SLC7A2: variants seen among roughly 807,000 people sequenced by gnomAD.
SLC7A2 encodes solute carrier family 7 member 2.
A neutral mutation model predicts 58.9 loss-of-function variants in SLC7A2; 48 were observed. The observed-to-expected ratio is 0.82, with a 90% CI of 0.65 to 1.04. The LOEUF is 1.04. Among genes scored for constraint, SLC7A2 ranks in the 50% least tolerant of loss-of-function variants. The probability of loss-of-function intolerance (pLI) is 0.00; values close to 1 mark genes in which losing one functional copy is unlikely to be tolerated. For synonymous variants in SLC7A2, 363 were observed against 314.5 expected (o/e 1.15, Z -1.63); for missense variants, 1,029 against 818.8 (o/e 1.26, Z -3.13).
At position 17,551,136 on chromosome 8, in the gene SLC7A2, C is replaced by T. The variant is rs901549402; in HGVS notation, c.833-628C>T. 9.2e-5 allele frequency among the ~76,000 whole-genome samples: 14 copies of T among 152,288 alleles called. No individual in the cohort carries two copies. The East Asian group carries it at 1.5e-3, about 17-fold the overall frequency. ...AAATGGATTAAGACTGCTATTCTATCGCTGAACACTTAGTAGTGCTGCTAT... is the reference window on the plus strand; with the variant it reads ...AAATGGATTAAGACTGCTATTCTATTGCTGAACACTTAGTAGTGCTGCTAT... On this transcript the variant is annotated intron_variant, in intron 6 of 12. Coordinates refer to ENST00000494857, the MANE Select transcript of SLC7A2 (RefSeq NM_001370338.1).
intron 8 of SLC7A2, chr8:17,555,063 G>T (rs1386395914): frequency 6.2e-7 from 1 of 1,613,880 alleles, no homozygotes. Context: ...CTGCCACGTT[G>T]ACTGCAGGGG....
intron 7 of SLC7A2, 86 bp from the exon 8 acceptor site, chr8:17,554,474 A>T (rs1405696003): frequency 3.7e-6 from 4 of 1,086,752 alleles, no homozygotes; most frequent in Non-Finnish European, 5.1e-6. Context: ...TGTCATGCTG[A>T]ATATTATACA....
intron 2 of SLC7A2, among the ~76,000 whole-genome samples, chr8:17,541,243 C>T (rs13282723): frequency 0.14 from 20,698 of 152,086 alleles, 1,908 homozygotes; most frequent in Non-Finnish European, 0.21. Context: ...TAACTTTTTG[C>T]TTCTCAATTC....
At chr8:17,562,297 C>T (rs1003660281) in intron 11 of SLC7A2, among the ~76,000 whole-genome samples, 187 bp downstream of exon 11, 1 of 147,896 alleles carries the variant, frequency 6.8e-6, no homozygotes, top group African/African-American at 2.5e-5. Context: ...CTTTTGCCTC[C>T]CGGGTTCAAG....
chr8:17,514,706 G>A (rs1391413591), intron 2 of SLC7A2, among the ~76,000 whole-genome samples: 1 of 152,092 alleles, frequency 6.6e-6, no homozygotes, highest in Non-Finnish European at 1.5e-5. Context: ...CAAAGATGAT[G>A]TCTTATAGAA....
intron 2 of SLC7A2, chr8:17,538,815 A>C (rs1333088439): frequency 6.2e-7 from 1 of 1,613,590 alleles, no homozygotes; most frequent in African/African-American, 1.3e-5. Context: ...CCACGAAACT[A>C]GCAACTGGAA....
At chr8:17,522,017 C>T (rs1037253355) in intron 2 of SLC7A2, among the ~76,000 whole-genome samples, 2 of 152,094 alleles carry the variant, frequency 1.3e-5, no homozygotes, top group Non-Finnish European at 2.9e-5. Context: ...AACAGAGCCT[C>T]CTAGGTAAGA....
intron 2 of SLC7A2, among the ~76,000 whole-genome samples, chr8:17,533,024 C>T (rs1801521777): frequency 6.6e-6 from 1 of 151,984 alleles, no homozygotes; most frequent in South Asian, 2.1e-4. Flanking sequence ...ACTTTATTTC[C>T]AGTTGTTTTA....
upstream of SLC7A2, among the ~76,000 whole-genome samples, chr8:17,496,653 G>C (rs7830352): frequency 0.55 from 82,823 of 151,952 alleles, 22,837 homozygotes; most frequent in East Asian, 0.77. Context: ...ACATCCACCT[G>C]GGCTTCCATT....
At chr8:17,520,514 G>A (rs1469737366) in intron 2 of SLC7A2, among the ~76,000 whole-genome samples, 4 of 151,428 alleles carry the variant, frequency 2.6e-5, no homozygotes, top group East Asian at 3.9e-4. Context: ...GGTGGCACAC[G>A]TCTGTAATCC....
intron 8 of SLC7A2, among the ~76,000 whole-genome samples, chr8:17,556,765 C>T (rs769986880): frequency 3.0e-4 from 45 of 152,026 alleles, no homozygotes; most frequent in Non-Finnish European, 5.4e-4. Flanking sequence ...CGTGCCACCA[C>T]GCCCAGCTGA....
At chr8:17,557,993 T>C (rs1415163507) in intron 8 of SLC7A2, among the ~76,000 whole-genome samples, 1 of 152,208 alleles carries the variant, frequency 6.6e-6, no homozygotes, top group African/African-American at 2.4e-5. Context: ...GAAATATCAA[T>C]GACAGTGTTC....
chr8:17,503,783 A>G (rs1800261618), intron 2 of SLC7A2, among the ~76,000 whole-genome samples: 1 of 152,218 alleles, frequency 6.6e-6, no homozygotes, highest in South Asian at 2.1e-4. Context: ...TTTAATGATC[A>G]TATGAAACAA....
At chr8:17,528,749 A>G (rs886903868) in intron 2 of SLC7A2, among the ~76,000 whole-genome samples, 4 of 152,114 alleles carry the variant, frequency 2.6e-5, no homozygotes. Flanking sequence ...GGGGAGAGAA[A>G]TCTTGGGAAG....
At chr8:17,562,943 G>A (rs1803089082) in intron 11 of SLC7A2, among the ~76,000 whole-genome samples, 2 of 152,014 alleles carry the variant, frequency 1.3e-5, no homozygotes, top group African/African-American at 2.4e-5. Context: ...GAGTTCAAGT[G>A]TAGCCTGGGC....
At chr8:17,547,307 A>G (rs1318185942) in intron 4 of SLC7A2, among the ~76,000 whole-genome samples, 1 of 152,038 alleles carries the variant, frequency 6.6e-6, no homozygotes, top group Non-Finnish European at 1.5e-5. Context: ...AAACCATCAG[A>G]TCTCATGAGG....
chr8:17,521,215 A>T (rs1349203722), intron 2 of SLC7A2, among the ~76,000 whole-genome samples: 1 of 152,218 alleles, frequency 6.6e-6, no homozygotes, highest in African/African-American at 2.4e-5. Context: ...GAGGGAGGTC[A>T]AATAAATGTT....
At chr8:17,560,613 G>A (rs1802926330) in intron 10 of SLC7A2, 80 bp downstream of exon 10, 3 of 1,252,484 alleles carry the variant, frequency 2.4e-6, no homozygotes, top group African/African-American at 2.9e-5. Flanking sequence ...AAAGAGAAAA[G>A]AGGGCCTAAC....
chr8:17,524,421 TACACACAC>T (rs367710230), intron 2 of SLC7A2, among the ~76,000 whole-genome samples: 2,760 of 135,056 alleles, frequency 0.02, 50 homozygotes, highest in Admixed American at 0.066. Flanking sequence ...TGTGTGTGTG[TACACACAC>T]ACACACACAC....
Sources: allele counts gnomAD v4.1 joint callset (sites outside exome capture counted in the v4.1 genomes callset), GRCh38; gene constraint gnomAD v4.1.1; transcripts MANE v1.5; gene names NCBI Gene and HGNC (gene_info 2026-07-23, HGNC 2026-07-21).